The following SPECC1L variants were observed in gnomAD, a reference collection of about 807,000 sequenced individuals.
The protein encoded by SPECC1L is sperm antigen with calponin homology and coiled-coil domains 1 like.
SPECC1L carries 40 observed loss-of-function variants against 116.8 expected under a neutral mutation model. The ratio of observed to expected loss-of-function variants is 0.34; its 90% CI spans 0.27 to 0.45. The LOEUF is 0.45. Among genes scored for constraint, SPECC1L ranks in the 20% least tolerant of loss-of-function variants. SPECC1L has a pLI of 1.00. For synonymous variants in SPECC1L, 504 were observed against 500.6 expected, an observed-to-expected ratio of 1.01 and a Z score of -0.09; for missense variants, 1,110 against 1,373.6, an observed-to-expected ratio of 0.81 and a Z score of 3.03.
At position 24,321,527 on chromosome 22, in the gene SPECC1L, G is replaced by A; in HGVS notation, c.547G>A (p.Ala183Thr). ...NQISDRAALE[A>T]KVKDLLTLAK... ...GATCAGTGACAGAGCTGCTTTGGAG[G>A]CCAAAGTGAAGGATCTTCTCACGCT... Residue 183 changes from alanine to threonine, a missense_variant, in exon 5 of 17, where the codon GCC (alanine) becomes ACC (threonine). By Grantham distance (58) the Ala-to-Thr change is moderately conservative (BLOSUM62 0). This residue lies in a region of SPECC1L where 437 missense variants were observed against 482.6 expected (regional missense o/e 0.91). Coordinates refer to ENST00000314328, the MANE Select transcript of SPECC1L (RefSeq NM_015330.6). 1 of 1,614,220 alleles carries A rather than the reference G, an allele frequency of 6.2e-7. No individual in the cohort carries two copies. The highest frequency in any genetic ancestry group is 8.5e-7 in the Non-Finnish European group (1 of 1,180,046).
intron 14 of SPECC1L, among the ~76,000 whole-genome samples, chr22:24,393,543 C>G (rs905568487): frequency 2.2e-4 from 34 of 152,194 alleles, no homozygotes; most frequent in South Asian, 2.1e-4. Flanking sequence ...TGTGCCTGGA[C>G]TGTATCCAGT....
Position 24,360,343 on chromosome 22 carries a change from C to T in SPECC1L, c.2744-2918C>T, listed in dbSNP as rs575377787. On this transcript the variant is annotated intron_variant, in intron 11 of 16. Transcript: ENST00000314328. ...AAATACTTCATGAAATGGCAGCAGC[C>T]TGGATTGTGGCTGTTAAAATTTAAC... Among the ~76,000 whole-genome samples the T allele has an allele frequency of 7.9e-5, 12 of 152,302 alleles. No individual in the cohort carries two copies. The East Asian group carries it at 1.7e-3, about 22-fold the overall frequency.
rs758888093 is a variant in SPECC1L, at chr22:24,417,459, G to C, written c.*2836G>C. ...CTCCCCTGGGCCACAGCACATCACC[G>C]TGTGGCCTGGGGCTGTGGGACAGTG... On this transcript the variant is annotated 3_prime_UTR_variant, in exon 17 of 17. Coordinates refer to ENST00000314328, the MANE Select transcript of SPECC1L (RefSeq NM_015330.6). The C allele has an allele frequency of 6.6e-6, 1 of 152,228 alleles. No homozygotes were observed. Among genetic ancestry groups the C allele is most frequent in the African/African-American group, 2.4e-5 (1 of 41,430 alleles). 9.4% of individuals were successfully genotyped at this position (152,228 alleles called of 1,614,324 possible).
intron 1 of SPECC1L, among the ~76,000 whole-genome samples, 165 bp from the exon 2 acceptor site, chr22:24,276,535 A>C (rs1025674279): frequency 2.5e-4 from 38 of 152,236 alleles, no homozygotes; most frequent in Non-Finnish European, 1.9e-4. Flanking sequence ...CAGGAGGCTG[A>C]AGTGGGAGAA....
chr22:24,375,442 C>T (rs2041953354), intron 14 of SPECC1L, among the ~76,000 whole-genome samples: 1 of 152,110 alleles, frequency 6.6e-6, no homozygotes, highest in Non-Finnish European at 1.5e-5. Flanking sequence ...GGATTATACA[C>T]CCTGACCAAG....
intron 2 of SPECC1L, among the ~76,000 whole-genome samples, chr22:24,299,477 T>C (rs2049332860): frequency 6.6e-6 from 1 of 152,174 alleles, no homozygotes; most frequent in Admixed American, 6.5e-5. Flanking sequence ...CTGATATGGC[T>C]AAGAACCAGC....
intron 2 of SPECC1L, among the ~76,000 whole-genome samples, chr22:24,301,247 A>G (rs1194125004): frequency 6.6e-6 from 1 of 152,206 alleles, no homozygotes; most frequent in African/African-American, 2.4e-5. Flanking sequence ...CAGAATTTAC[A>G]AGTAACTTAA....
intron 14 of SPECC1L, among the ~76,000 whole-genome samples, chr22:24,402,884 C>T (rs1264868384): frequency 2.0e-5 from 3 of 152,178 alleles, no homozygotes; most frequent in African/African-American, 7.2e-5. Context: ...TCTTTTATGA[C>T]ATATTTTTAA....
chr22:24,390,867 CTTTTCTT>C (rs1569445733), intron 14 of SPECC1L, among the ~76,000 whole-genome samples: 2 of 47,622 alleles, frequency 4.2e-5, no homozygotes, highest in Non-Finnish European at 4.0e-5. Flanking sequence ...TTTTTTTTTT[CTTTTCTT>C]TTTTTTTTTT....
chr22:24,303,817 C>T (rs2049431878), intron 3 of SPECC1L, among the ~76,000 whole-genome samples: 1 of 151,062 alleles, frequency 6.6e-6, no homozygotes, highest in African/African-American at 2.4e-5. Context: ...ATAGCTTTGG[C>T]TCTGCTGCAT....
At chr22:24,364,134 T>C (rs8137517) in intron 12 of SPECC1L, among the ~76,000 whole-genome samples, 18,382 of 152,036 alleles carry the variant, frequency 0.12, 2,522 homozygotes, top group African/African-American at 0.33. Flanking sequence ...GCGTTCTGAT[T>C]ACCTGGCAAT....
intron 2 of SPECC1L, among the ~76,000 whole-genome samples, chr22:24,280,816 G>A (rs961311749): frequency 1.4e-4 from 21 of 151,832 alleles, no homozygotes; most frequent in Non-Finnish European, 2.8e-4. Flanking sequence ...TGAACTTCTG[G>A]GCTCACGCTC....
intron 4 of SPECC1L, among the ~76,000 whole-genome samples, chr22:24,313,815 C>G (rs898945261): frequency 4.0e-5 from 6 of 151,404 alleles, no homozygotes; most frequent in African/African-American, 1.5e-4. Flanking sequence ...CTTGGCTCAC[C>G]ACAACCTTCG....
At chr22:24,341,401 A>C (rs2041174749) in intron 10 of SPECC1L, among the ~76,000 whole-genome samples, 1 of 152,210 alleles carries the variant, frequency 6.6e-6, no homozygotes, top group African/African-American at 2.4e-5. Context: ...AAATCATTTG[A>C]GTTCCCACCA....
chr22:24,341,415 G>A (rs774588551), intron 10 of SPECC1L, among the ~76,000 whole-genome samples: 19 of 152,274 alleles, frequency 1.2e-4, no homozygotes, highest in Non-Finnish European at 1.8e-4. Context: ...CCCACCAGCC[G>A]CTGTGGAGAC....
chr22:24,285,895 C>T (rs1379889430), intron 2 of SPECC1L, among the ~76,000 whole-genome samples: 2 of 152,258 alleles, frequency 1.3e-5, no homozygotes, highest in Admixed American at 6.5e-5. Flanking sequence ...CCGCCTCAGC[C>T]TCCCAAAGTT....
At chr22:24,371,019 T>C (rs570921723) in intron 14 of SPECC1L, among the ~76,000 whole-genome samples, 1 of 152,242 alleles carries the variant, frequency 6.6e-6, no homozygotes, top group South Asian at 2.1e-4. Flanking sequence ...ATCATATGAG[T>C]ATACTTAATG....
intron 11 of SPECC1L, among the ~76,000 whole-genome samples, chr22:24,356,999 C>T (rs1164904399): frequency 6.6e-6 from 1 of 151,788 alleles, no homozygotes; most frequent in Non-Finnish European, 1.5e-5. Flanking sequence ...CCAAAAAATG[C>T]CTCTAATTTT....
intron 11 of SPECC1L, among the ~76,000 whole-genome samples, chr22:24,362,107 C>T (rs905240971): frequency 1.5e-4 from 23 of 152,138 alleles, no homozygotes; most frequent in African/African-American, 4.8e-4. Flanking sequence ...CACACCAGCC[C>T]GTGACCAGAA....
Sources: gnomAD v4.1 joint callset for allele counts (sites outside exome capture counted in the v4.1 genomes callset) on GRCh38, gnomAD v4.1.1 for gene constraint, gnomAD v4.1.1 regional missense constraint, MANE v1.5 for transcripts, NCBI Gene and HGNC (gene_info 2026-07-23, HGNC 2026-07-21) for gene names.